The following GLIS3 variants were observed in gnomAD, a reference collection of about 807,000 sequenced individuals.
GLIS3 encodes GLIS family zinc finger 3, also known as zinc finger protein GLIS3.
GLIS3 carries 53 observed loss-of-function variants against 78.6 expected under a neutral mutation model. That is an observed-to-expected ratio of 0.67 (90% confidence interval 0.54 to 0.85). GLIS3 has a LOEUF of 0.85. Among genes scored for constraint, GLIS3 ranks in the 40% least tolerant of loss-of-function variants. The pLI, the probability that GLIS3 is intolerant of heterozygous loss-of-function variation, is 0.00. For missense variants in GLIS3, 1,703 were observed against 1,231.1 expected (o/e 1.38, Z -5.74); for synonymous variants, 684 against 509.9 (o/e 1.34, Z -4.60).
intron 2 of GLIS3, among the ~76,000 whole-genome samples, chr9:4,277,513 CA>C (rs971790996): frequency 1.3e-5 from 2 of 152,220 alleles, no homozygotes; most frequent in African/African-American, 4.8e-5. Flanking sequence ...TTAAGTGACA[CA>C]AAAGAGTTTT....
chr9:4,173,121 T>C (rs548091690), intron 2 of GLIS3, among the ~76,000 whole-genome samples: 1 of 152,312 alleles, frequency 6.6e-6, no homozygotes, highest in East Asian at 1.9e-4. Flanking sequence ...CAATAACTCA[T>C]TGCTTATTTT....
chr9:4,420,450 T>C, the GLIS3 span, among the ~76,000 whole-genome samples: 3 of 152,146 alleles, frequency 2.0e-5, no homozygotes, highest in African/African-American at 4.8e-5. Flanking sequence ...AAACCATTAC[T>C]CGTAAGGTGC....
chr9:4,405,683 G>C, the GLIS3 span, among the ~76,000 whole-genome samples: 5 of 151,196 alleles, frequency 3.3e-5, no homozygotes, highest in African/African-American at 1.2e-4. Context: ...AAACTGTTCT[G>C]AAAAATAGAG....
At chr9:4,057,913 A>C (rs1027404694) in intron 4 of GLIS3, among the ~76,000 whole-genome samples, 4 of 152,194 alleles carry the variant, frequency 2.6e-5, no homozygotes, top group Non-Finnish European at 5.9e-5. Flanking sequence ...CATGTAAAAA[A>C]ACAAAAAGCC....
the GLIS3 span, among the ~76,000 whole-genome samples, chr9:4,390,433 A>G: frequency 5.3e-5 from 8 of 151,684 alleles, no homozygotes; most frequent in Non-Finnish European, 1.2e-4. Flanking sequence ...TGGAGCATTC[A>G]TATCTCATTG....
At chr9:3,845,106 C>T (rs1281172513) in intron 9 of GLIS3, among the ~76,000 whole-genome samples, 1 of 151,482 alleles carries the variant, frequency 6.6e-6, no homozygotes, top group Non-Finnish European at 1.5e-5. Context: ...TTTATATAAA[C>T]ATGCATATAT....
the GLIS3 span, among the ~76,000 whole-genome samples, chr9:4,357,268 C>T: frequency 6.6e-6 from 1 of 152,286 alleles, no homozygotes; most frequent in South Asian, 2.1e-4. Context: ...ACATTTGAAT[C>T]AGTAGATTGA....
chr9:4,274,702 T>C (rs891709676), intron 2 of GLIS3, among the ~76,000 whole-genome samples: 4 of 152,144 alleles, frequency 2.6e-5, no homozygotes, highest in African/African-American at 9.7e-5. Context: ...CACTAAACCC[T>C]AAGCACAGGG....
upstream of GLIS3, among the ~76,000 whole-genome samples, chr9:4,351,607 A>G (rs1817972781): frequency 6.6e-6 from 1 of 152,196 alleles, no homozygotes; most frequent in African/African-American, 2.4e-5. Context: ...TTTCATGGGC[A>G]AAAAGAGAAA....
chr9:4,230,493 G>C (rs553432131), intron 2 of GLIS3, among the ~76,000 whole-genome samples: 39 of 152,300 alleles, frequency 2.6e-4, no homozygotes, highest in African/African-American at 7.5e-4. Flanking sequence ...GATAGAAAAT[G>C]ATGGAGGACC....
the GLIS3 span, among the ~76,000 whole-genome samples, chr9:4,406,843 G>C: frequency 6.6e-6 from 1 of 152,138 alleles, no homozygotes; most frequent in Non-Finnish European, 1.5e-5. Context: ...TGGATTGGAA[G>C]AATACTGTTA....
At chr9:4,365,834 A>C in the GLIS3 span, among the ~76,000 whole-genome samples, 3 of 152,228 alleles carry the variant, frequency 2.0e-5, no homozygotes, top group African/African-American at 7.2e-5. Context: ...TATTCATTTG[A>C]GGTATCAATA....
At chr9:4,186,429 T>C (rs1817803302) in intron 2 of GLIS3, among the ~76,000 whole-genome samples, 2 of 152,060 alleles carry the variant, frequency 1.3e-5, no homozygotes, top group South Asian at 4.2e-4. Flanking sequence ...TGCAAGTCTT[T>C]GCTGTTGTGA....
intron 4 of GLIS3, among the ~76,000 whole-genome samples, chr9:4,052,058 G>C (rs943296244): frequency 6.6e-6 from 1 of 152,106 alleles, no homozygotes; most frequent in Admixed American, 6.6e-5. Context: ...AAATAATTTG[G>C]GGCTTAAAAG....
chr9:4,401,743 T>C, the GLIS3 span, among the ~76,000 whole-genome samples: 1 of 150,920 alleles, frequency 6.6e-6, no homozygotes, highest in African/African-American at 2.5e-5. Context: ...AGGTGCATGC[T>C]ACCATGCCCA....
At chr9:4,407,442 G>C in the GLIS3 span, among the ~76,000 whole-genome samples, 2,241 of 152,258 alleles carry the variant, frequency 0.015, 53 homozygotes, top group African/African-American at 0.052. Flanking sequence ...TCAGGAGATC[G>C]AGACCATCCT....
the GLIS3 span, among the ~76,000 whole-genome samples, chr9:4,423,684 G>A: frequency 6.6e-6 from 1 of 152,106 alleles, no homozygotes; most frequent in East Asian, 1.9e-4. Context: ...ATAAATATTG[G>A]CTAAGTTATT....
rs1319343288 is a variant in GLIS3, at chr9:3,826,093, C to T, written c.*2179G>A. On this transcript the variant is annotated 3_prime_UTR_variant, in exon 11 of 11. Coordinates refer to ENST00000381971, the MANE Select transcript of GLIS3 (RefSeq NM_001042413.2). ...GTTGAGCTTCTGTCTTGTCCTCCTT[C>T]CCCCTTTCTATTTTAAATTACATAA... The T allele has an allele frequency of 6.6e-6, 1 of 152,038 alleles. No individual in the cohort carries two copies. Among genetic ancestry groups the T allele is most frequent in the Non-Finnish European group, 1.5e-5 (1 of 68,032 alleles). The allele number at this position is 152,038 out of a possible 1,614,324, so 9.4% of individuals were successfully genotyped here.
At chr9:3,861,765 G>C (rs557868023) in intron 8 of GLIS3, among the ~76,000 whole-genome samples, 27 of 152,226 alleles carry the variant, frequency 1.8e-4, no homozygotes, top group Admixed American at 9.2e-4. Flanking sequence ...GAGGGGAACA[G>C]CACACACTGG....
Sources: allele counts gnomAD v4.1 joint callset (sites outside exome capture counted in the v4.1 genomes callset), GRCh38; gene constraint gnomAD v4.1.1; transcripts MANE v1.5; gene names NCBI Gene and HGNC (gene_info 2026-07-23, HGNC 2026-07-21).